Variants in MCL1 observed in about 807,000 individuals in gnomAD.
MCL1 encodes MCL1 apoptosis regulator, BCL2 family member, also known as induced myeloid leukemia cell differentiation protein Mcl-1.
A neutral mutation model predicts 24.2 loss-of-function variants in MCL1; 4 were observed. The observed-to-expected ratio is 0.17, with a 90% CI of 0.08 to 0.38. The LOEUF (loss-of-function observed/expected upper bound fraction) is 0.38. Among genes scored for constraint, MCL1 ranks in the 10% least tolerant of loss-of-function variants. The pLI is 1.00. For missense variants in MCL1, 529 were observed against 480.3 expected (o/e 1.10, Z -0.95); for synonymous variants, 248 against 214.0 (o/e 1.16, Z -1.39).
chr1:150,578,663 C>T (rs192865756), intron 1 of MCL1, 172 bp from the exon 2 acceptor site: 1 of 1,028,804 alleles, frequency 9.7e-7, no homozygotes, highest in Non-Finnish European at 1.4e-6. Flanking sequence ...GCTGCCATTT[C>T]CAAAAGAATC....
Position 150,574,855 on chromosome 1 carries a change from G to T in MCL1, c.*2520C>A, listed in dbSNP as rs915314010. The stretch of plus-strand genomic sequence containing the variant: ...CCTTTCCCTTTTGGAGGATTTGCCC[G>T]AACTACGTAGCCAGTCAGCACTTAG... On this transcript the variant is annotated 3_prime_UTR_variant, in exon 3 of 3. Coordinates refer to ENST00000369026, the MANE Select transcript of MCL1 (RefSeq NM_021960.5). 4.7e-5 allele frequency: 11 copies of T among 233,152 alleles called. No homozygotes were observed. The highest frequency in any genetic ancestry group is 9.3e-5 in the Non-Finnish European group (11 of 117,986). 14.4% of individuals were successfully genotyped at this position (233,152 alleles called of 1,614,324 possible). A position where few individuals can be genotyped will look rare whatever the true frequency, so the allele number is the denominator to read the frequency against.
Position 150,576,289 on chromosome 1 carries a change from T to C in MCL1, c.*1086A>G, listed in dbSNP as rs914311424. On this transcript the variant is annotated 3_prime_UTR_variant, in exon 3 of 3. Transcript: ENST00000369026. ...ATGAGTATTGCCCAATCAGAGCCCATTATTTGTAAGTCATCAGTAACCTTA... is the reference window on the plus strand; with the variant it reads ...ATGAGTATTGCCCAATCAGAGCCCACTATTTGTAAGTCATCAGTAACCTTA... 4 of 232,960 alleles carry C rather than the reference T, an allele frequency of 1.7e-5. No homozygotes were observed. The highest frequency in any genetic ancestry group is 5.6e-5 in the Admixed American group (1 of 17,762). 14.4% of individuals were successfully genotyped at this position (232,960 alleles called of 1,614,324 possible).
chr1:150,577,581 T>C (rs927489917), intron 2 of MCL1, 90 bp from the exon 3 acceptor site: 2 of 1,364,794 alleles, frequency 1.5e-6, no homozygotes, highest in South Asian at 1.5e-5. Flanking sequence ...AATTAAAATA[T>C]CTAAGGTTTC....
chr1:150,576,518 T>A lies in MCL1; in HGVS notation c.*857A>T, dbSNP rs768440046. The A allele has an allele frequency of 8.2e-5, 19 of 232,648 alleles. No individual in the cohort carries two copies. The South Asian group carries it at 1.3e-3, about 16-fold the overall frequency. 14.4% of individuals were successfully genotyped at this position (232,648 alleles called of 1,614,324 possible). A position where few individuals can be genotyped will look rare whatever the true frequency, so the allele number is the denominator to read the frequency against. ...TACAGTTACACATCAATTCGTTCTG[T>A]ATACACTCTAGAACTGAACAGAACA... On this transcript the variant is annotated 3_prime_UTR_variant, in exon 3 of 3. Transcript: ENST00000369026.
Position 150,579,057 on chromosome 1 carries a change from C to T in MCL1, c.474G>A (p.Gly158=), listed in dbSNP as rs1647953996. The T allele has an allele frequency of 4.3e-6, 7 of 1,613,290 alleles. No individual in the cohort carries two copies. The highest frequency in any genetic ancestry group is 5.9e-6 in the Non-Finnish European group (7 of 1,180,020). ...GESGNNTSTD[G]SLPSTPPPAE... ...CTGGCGGCGGCGTCGAGGGTAGTGA[C>T]CCGTCCGTACTGGTGTTATTACCAG... Residue 158 remains glycine, a synonymous_variant, in exon 1 of 3, where the codon GGG becomes GGA. Coordinates refer to ENST00000369026, the MANE Select transcript of MCL1 (RefSeq NM_021960.5).
chr1:150,577,915 TA>T (rs1253290987), intron 2 of MCL1, among the ~76,000 whole-genome samples: 2 of 152,162 alleles, frequency 1.3e-5, no homozygotes, highest in East Asian at 3.8e-4. Flanking sequence ...TCTTCTCCAT[TA>T]AAACAGGCAC....
rs991095360 is a variant in MCL1 at position 150,578,917 on chromosome 1, G to A, written c.614C>T (p.Thr205Ile). 4 of 1,613,778 alleles carry A rather than the reference G, an allele frequency of 2.5e-6. No individual in the cohort carries two copies. Among genetic ancestry groups the A allele is most frequent in the Non-Finnish European group, 3.4e-6 (4 of 1,180,022 alleles). ...DTKPMGRSGA[T>I]SRKALETLRR... ...TAAGGTCTCCAGCGCCTTCCTGCTG[G>A]TGGCCCCAGACCTGCCCATTGGCTT... is the stretch of plus-strand genomic sequence containing the variant. Residue 205 changes from threonine (T) to isoleucine (I), a missense_variant, in exon 1 of 3, where the codon ACC becomes ATC. Coordinates refer to ENST00000369026, the MANE Select transcript of MCL1 (RefSeq NM_021960.5).
At position 150,577,333 on chromosome 1, in the gene MCL1, G is replaced by C; in HGVS notation, c.*42C>G. The C allele has an allele frequency of 6.2e-7, 1 of 1,604,690 alleles. No homozygotes were observed. Among genetic ancestry groups the C allele is most frequent in the South Asian group, 1.1e-5 (1 of 89,734 alleles). On this transcript the variant is annotated 3_prime_UTR_variant, in exon 3 of 3. Coordinates refer to ENST00000369026, the MANE Select transcript of MCL1 (RefSeq NM_021960.5). ...ACTGCATAAACTGGTTTTGGTGGTG[G>C]TGGTGGTTGGTTAAAAGTCAACTAT...
At position 150,578,305 on chromosome 1, in the gene MCL1, T is replaced by A. The variant is rs921336171; in HGVS notation, c.875A>T (p.Glu292Val). The change falls in exon 2 of 3, where the codon GAA (glutamate) becomes GTA (valine). Residue 292 changes from glutamate (E) to valine (V), a missense_variant. Physicochemically the swap from Glu to Val is moderately radical, Grantham distance 121 (BLOSUM62 -2). Coordinates refer to ENST00000369026, the MANE Select transcript of MCL1 (RefSeq NM_021960.5). ...CCTTACGAGAACGTCTGTGATACTT[T>A]CTGCTAATGGTTCGATGCAGCTTTC... ...NQESCIEPLA[E>V]SITDVLVRTK... 1.2e-6 allele frequency: 2 copies of A among 1,614,244 alleles called. No individual in the cohort carries two copies. Among genetic ancestry groups the A allele is most frequent in the African/African-American group, 2.7e-5 (2 of 75,060 alleles).
Position 150,577,388 on chromosome 1 carries a change from T to A in MCL1, c.1040A>T (p.Tyr347Phe), listed in dbSNP as rs754918967. Residue 347 changes from tyrosine to phenylalanine, a missense_variant, in exon 3 of 3, where the codon TAT becomes TTT. Tyr to Phe is a conservative substitution (Grantham distance 22). Transcript: ENST00000369026. ...GVAGVGAGLA[Y>F]LIR Reference sequence around the variant, plus strand: ...CTTACAGTAAGGCTATCTTATTAGATATGCCAAACCAGCTCCTACTCCAGC... The same window carrying A: ...CTTACAGTAAGGCTATCTTATTAGAAATGCCAAACCAGCTCCTACTCCAGC... 6.2e-7 allele frequency: 1 copy of A among 1,613,696 alleles called. No homozygotes were observed. Among genetic ancestry groups the A allele is most frequent in the South Asian group, 1.1e-5 (1 of 91,022 alleles).
rs1312927968 is a variant in MCL1, at chr1:150,574,646, T to TG, written c.*2728dup. The TG allele has an allele frequency of 4.3e-6, 1 of 233,048 alleles. No homozygotes were observed. The highest frequency in any genetic ancestry group is 5.6e-5 in the Admixed American group (1 of 17,752). 14.4% of individuals were successfully genotyped at this position (233,048 alleles called of 1,614,324 possible). A position where few individuals can be genotyped will look rare whatever the true frequency, so the allele number is the denominator to read the frequency against. On this transcript the variant is annotated 3_prime_UTR_variant, in exon 3 of 3. Coordinates refer to ENST00000369026, the MANE Select transcript of MCL1 (RefSeq NM_021960.5). ...TTGACAACCAACATTAATTTGTAGT[T>TG]GGTCCTAACCCTTCCTGGCACAGCT...
chr1:150,578,904 C>T lies in MCL1; in HGVS notation c.627G>A (p.Ala209=), dbSNP rs925315836. 6.2e-7 allele frequency: 1 copy of T among 1,613,728 alleles called. No individual in the cohort carries two copies. Among genetic ancestry groups the T allele is most frequent in the African/African-American group, 1.3e-5 (1 of 74,940 alleles). Residue 209 remains alanine, a synonymous_variant, in exon 1 of 3, where the codon GCG becomes GCA. Coordinates refer to ENST00000369026, the MANE Select transcript of MCL1 (RefSeq NM_021960.5). ...CCCCAACCCGTCGTAAGGTCTCCAGCGCCTTCCTGCTGGTGGCCCCAGACC... is the reference window on the plus strand; with the variant it reads ...CCCCAACCCGTCGTAAGGTCTCCAGTGCCTTCCTGCTGGTGGCCCCAGACC... ...MGRSGATSRK[A]LETLRRVGDG... is the part of the protein sequence containing the mutation.
At chr1:150,577,744 CCA>C (rs1436982666) in intron 2 of MCL1, among the ~76,000 whole-genome samples, 1 of 152,190 alleles carries the variant, frequency 6.6e-6, no homozygotes, top group Non-Finnish European at 1.5e-5. Context: ...AAAAGGACTT[CCA>C]GAGTTCCCAT....
chr1:150,578,521 G>T (rs370637304), intron 1 of MCL1, 30 bp from the exon 2 acceptor site: 2 of 1,611,616 alleles, frequency 1.2e-6, no homozygotes, highest in African/African-American at 2.7e-5. Flanking sequence ...AGGTCCTCAC[G>T]GCCTCCTTTG....
rs1443542555 is a variant in MCL1, at chr1:150,578,886, C to T, written c.645G>A (p.Arg215=). 2.5e-6 allele frequency: 4 copies of T among 1,613,802 alleles called. No homozygotes were observed. Among genetic ancestry groups the T allele is most frequent in the Non-Finnish European group, 3.4e-6 (4 of 1,179,934 alleles). The change falls in exon 1 of 3, where the codon CGG becomes CGA. Residue 215 remains arginine (R), a synonymous_variant. Coordinates refer to ENST00000369026, the MANE Select transcript of MCL1 (RefSeq NM_021960.5). ...TSRKALETLR[R]VGDGVQRNHE... ...GGTTGCGCTGCACGCCATCCCCAAC[C>T]CGTCGTAAGGTCTCCAGCGCCTTCC... is the stretch of plus-strand genomic sequence containing the variant.
intron 1 of MCL1, 136 bp downstream of exon 1, chr1:150,578,707 T>C: frequency 9.2e-7 from 1 of 1,081,432 alleles, no homozygotes; most frequent in Non-Finnish European, 1.3e-6. Context: ...ATGGCCAGAA[T>C]ATTCTGGCTT....
chr1:150,579,228 G>A lies in MCL1; in HGVS notation c.303C>T (p.Pro101=), dbSNP rs1382177585. 1.9e-6 allele frequency: 3 copies of A among 1,562,656 alleles called. No individual in the cohort carries two copies. The highest frequency in any genetic ancestry group is 1.7e-6 in the Non-Finnish European group (2 of 1,159,572). ...CCTCAAGCGGCGCCGCGCGGCGGGTGGGCGCGAAGAAAAGCAGCCTCGCGG... is the reference window on the plus strand; with the variant it reads ...CCTCAAGCGGCGCCGCGCGGCGGGTAGGCGCGAAGAAAAGCAGCCTCGCGG... ...ATPARLLFFA[P]TRRAAPLEEM... The change falls in exon 1 of 3, where the codon CCC becomes CCT. Residue 101 remains proline (P), a synonymous_variant. Transcript: ENST00000369026.
At chr1:150,578,552 G>C (rs1381572679) in intron 1 of MCL1, 61 bp from the exon 2 acceptor site, 1 of 1,589,234 alleles carries the variant, frequency 6.3e-7, no homozygotes, top group Non-Finnish European at 8.6e-7. Flanking sequence ...CGCAAGATTC[G>C]CCTGCCCACC....
At position 150,579,566 on chromosome 1, in the gene MCL1, G is replaced by A. The variant is rs16837903; in HGVS notation, c.-36C>T. 205,736 of 1,571,916 alleles carry A rather than the reference G, an allele frequency of 0.13. 14,723 individuals are homozygous for A. Among genetic ancestry groups the A allele is most frequent in the Non-Finnish European group, 0.15 (171,141 of 1,159,582 alleles). On this transcript the variant is annotated 5_prime_UTR_variant, in exon 1 of 3. Coordinates refer to ENST00000369026, the MANE Select transcript of MCL1 (RefSeq NM_021960.5). ...CGCCGCCGCCTGGCTGAGAAAACTG[G>A]GGAAGACCCCGACTCCTTACTGGAA...
Sources: allele counts gnomAD v4.1 joint callset (sites outside exome capture counted in the v4.1 genomes callset), GRCh38; gene constraint gnomAD v4.1.1; transcripts MANE v1.5; gene names NCBI Gene and HGNC (gene_info 2026-07-23, HGNC 2026-07-21).